NBEA: variants seen among roughly 807,000 people sequenced by gnomAD.
NBEA encodes the protein neurobeachin.
A neutral mutation model predicts 343.4 loss-of-function variants in NBEA; 44 were observed. The ratio of observed to expected loss-of-function variants is 0.13; its 90% confidence interval spans 0.10 to 0.16. The LOEUF (loss-of-function observed/expected upper bound fraction) is 0.16, where lower values mean the gene tolerates loss of function less well. NBEA is among the 10% of genes least tolerant of loss of function. The pLI is 1.00. For missense variants in NBEA, 2,555 were observed against 3,631.3 expected, an observed-to-expected ratio of 0.70 and a Z score of 7.62; for synonymous variants, 1,175 against 1,238.7, an observed-to-expected ratio of 0.95 and a Z score of 1.08.
At chr13:35,289,865 T>G (rs1239679216) in intron 34 of NBEA, among the ~76,000 whole-genome samples, 1 of 151,824 alleles carries the variant, frequency 6.6e-6, no homozygotes, top group Non-Finnish European at 1.5e-5. Flanking sequence ...GATGTGTTAA[T>G]CATACATTTT....
intron 34 of NBEA, among the ~76,000 whole-genome samples, chr13:35,282,111 G>T (rs1397033121): frequency 6.6e-6 from 1 of 151,614 alleles, no homozygotes; most frequent in Non-Finnish European, 1.5e-5. Flanking sequence ...GTAGAGATGG[G>T]GTTTCACCGT....
intron 41 of NBEA, among the ~76,000 whole-genome samples, chr13:35,498,147 G>T (rs2076751644): frequency 6.6e-6 from 1 of 151,900 alleles, no homozygotes; most frequent in South Asian, 2.1e-4. Context: ...AGTATTACTT[G>T]CTTATAAGGA....
intron 56 of NBEA, among the ~76,000 whole-genome samples, chr13:35,665,793 AT>A (rs985693159): frequency 1.3e-5 from 2 of 151,890 alleles, no homozygotes; most frequent in African/African-American, 4.8e-5. Flanking sequence ...AGCCTGGCTA[AT>A]TTTTTGTATT....
At position 35,081,385 on chromosome 13, in the gene NBEA, G is replaced by A. The variant is rs190491514; in HGVS notation, c.1571+10533G>A. Among the ~76,000 whole-genome samples, 61 of 152,100 alleles carry A rather than the reference G, an allele frequency of 4.0e-4. No individual in the cohort carries two copies. In the South Asian group the frequency reaches 4.2e-3, roughly 10 times the overall value. ...ATGGGCAACCATACTCTGAATCTAGGTATTAAATTTTATATGACAGCTTTT... is the reference window on the plus strand; with the variant it reads ...ATGGGCAACCATACTCTGAATCTAGATATTAAATTTTATATGACAGCTTTT... On this transcript the variant is annotated intron_variant, in intron 10 of 58. Transcript: ENST00000379939.
intron 41 of NBEA, among the ~76,000 whole-genome samples, chr13:35,495,517 A>G (rs2076645505): frequency 6.6e-6 from 1 of 152,070 alleles, no homozygotes; most frequent in South Asian, 2.1e-4. Flanking sequence ...AGGGTGTTGC[A>G]TCCTGACAAA....
Position 35,290,551 on chromosome 13 carries a change from A to G in NBEA, c.5838+101A>G, listed in dbSNP as rs41292203. 332 of 763,598 alleles carry G rather than the reference A, an allele frequency of 4.3e-4. 1 individual carries two copies. The African/African-American group carries it at 5.5e-3, about 13-fold the overall frequency. The allele number at this position is 763,598 out of a possible 1,614,324, so 47.3% of individuals were successfully genotyped here. A position where few individuals can be genotyped will look rare whatever the true frequency, so the allele number is the denominator to read the frequency against. On this transcript the variant is annotated intron_variant, in intron 35 of 58. Transcript: ENST00000379939. ...TATATGTGTATGTTTATATATTTTTAAAATTTCCATCTATTATCCCATAGA... is the reference window on the plus strand; with the variant it reads ...TATATGTGTATGTTTATATATTTTTGAAATTTCCATCTATTATCCCATAGA...
In NBEA at chr13:35,105,278, T is replaced by A. The variant is rs1191935328; in HGVS notation, c.1681-4012T>A. On this transcript the variant is annotated intron_variant, in intron 11 of 58. Transcript: ENST00000379939. ...TTAGTCAAACCCAACTGGAAACCAG[T>A]AGGCAAGGGAGCATCCCAAGCATAA... Among the ~76,000 whole-genome samples the A allele has an allele frequency of 2.6e-5, 4 of 151,838 alleles. No homozygotes were observed. In the East Asian group the frequency reaches 7.7e-4, roughly 29 times the overall value.
At chr13:35,546,378 T>C (rs931011661) in intron 41 of NBEA, among the ~76,000 whole-genome samples, 2 of 151,334 alleles carry the variant, frequency 1.3e-5, no homozygotes, top group African/African-American at 4.9e-5. Flanking sequence ...GGTGGGAGAA[T>C]CGCTCGAACC....
At chr13:35,362,675 A>G (rs898316852) in intron 38 of NBEA, among the ~76,000 whole-genome samples, 1 of 151,964 alleles carries the variant, frequency 6.6e-6, no homozygotes, top group Non-Finnish European at 1.5e-5. Flanking sequence ...TTTAATGGCT[A>G]TAAAGCCTCA....
chr13:35,423,762 T>C (rs1283656475), intron 38 of NBEA, among the ~76,000 whole-genome samples: 3 of 152,152 alleles, frequency 2.0e-5, no homozygotes, highest in Non-Finnish European at 2.9e-5. Context: ...TTTCACGATA[T>C]TGGTTCTTCC....
At chr13:35,481,840 T>G (rs1221687619) in intron 41 of NBEA, among the ~76,000 whole-genome samples, 1 of 151,866 alleles carries the variant, frequency 6.6e-6, no homozygotes, top group Non-Finnish European at 1.5e-5. Flanking sequence ...TTACGTACAT[T>G]TGTGTATATG....
At chr13:35,537,422 A>G (rs2078613228) in intron 41 of NBEA, among the ~76,000 whole-genome samples, 1 of 152,152 alleles carries the variant, frequency 6.6e-6, no homozygotes, top group Non-Finnish European at 1.5e-5. Context: ...TTTCGACAAC[A>G]TACCAGGCAT....
chr13:35,021,413 T>C (rs557787618), intron 1 of NBEA, among the ~76,000 whole-genome samples: 1 of 152,240 alleles, frequency 6.6e-6, no homozygotes, highest in East Asian at 1.9e-4. Flanking sequence ...TACATTCTTG[T>C]AATCTCTGCC....
chr13:35,476,433 C>G (rs878900563), intron 41 of NBEA: 6 of 946,626 alleles, frequency 6.3e-6, no homozygotes, highest in South Asian at 4.2e-5. Context: ...GTCTCTCTTC[C>G]TCTTTTAAAG....
chr13:35,292,530 G>A (rs146586658), intron 35 of NBEA, among the ~76,000 whole-genome samples: 4,755 of 152,014 alleles, frequency 0.031, 103 homozygotes, highest in Non-Finnish European at 0.045. Context: ...TCTGTAGGCC[G>A]TCTTTGTGCC....
intron 36 of NBEA, among the ~76,000 whole-genome samples, chr13:35,347,404 A>C (rs551199710): frequency 2.0e-5 from 3 of 152,210 alleles, no homozygotes; most frequent in Admixed American, 6.5e-5. Context: ...GGAAAGAAAA[A>C]CTGGACAATG....
At position 35,017,018 on chromosome 13, in the gene NBEA, T is replaced by C. The variant is rs914894280; in HGVS notation, c.295-23915T>C. Among the ~76,000 whole-genome samples, 3 of 152,260 alleles carry C rather than the reference T, an allele frequency of 2.0e-5. No homozygotes were observed. In the East Asian group the frequency reaches 5.8e-4, roughly 29 times the overall value. On this transcript the variant is annotated intron_variant, in intron 1 of 58. Transcript: ENST00000379939. ...GTTTTGTCGACTGTGAGAAACAGTTTGGATTCTGTTACAAGAGCAGTGGGA... is the reference window on the plus strand; with the variant it reads ...GTTTTGTCGACTGTGAGAAACAGTTCGGATTCTGTTACAAGAGCAGTGGGA...
chr13:35,590,648 T>C (rs2081492310), intron 46 of NBEA, among the ~76,000 whole-genome samples: 1 of 152,040 alleles, frequency 6.6e-6, no homozygotes, highest in Non-Finnish European at 1.5e-5. Flanking sequence ...GCTTTGCATG[T>C]ATAAATGGGT....
Position 35,426,841 on chromosome 13 carries a change from G to A in NBEA, c.6180-5428G>A, listed in dbSNP as rs570999823. Among the ~76,000 whole-genome samples, 65 of 152,106 alleles carry A rather than the reference G, an allele frequency of 4.3e-4. 1 individual carries two copies. Among genetic ancestry groups the A allele is most frequent in the African/African-American group, 9.2e-4 (38 of 41,500 alleles). On this transcript the variant is annotated intron_variant, in intron 38 of 58. Coordinates refer to ENST00000379939, the MANE Select transcript of NBEA (RefSeq NM_001385012.1). ...CCCATATTTCTTGGAGGCTTTGTTC[G>A]TTTCTTTTTATTCTTTTTTCTCTAA... is the stretch of plus-strand genomic sequence containing the variant.
Sources: gnomAD v4.1 joint callset for allele counts (sites outside exome capture counted in the v4.1 genomes callset) on GRCh38, gnomAD v4.1.1 for gene constraint, MANE v1.5 for transcripts, NCBI Gene and HGNC (gene_info 2026-07-23, HGNC 2026-07-21) for gene names.